The following KIAA0825 variants were observed in gnomAD, a reference collection of about 807,000 sequenced individuals.
The protein encoded by KIAA0825 is uncharacterized protein KIAA0825.
In KIAA0825, 119 loss-of-function variants were observed where a neutral mutation model predicts 147.6. The observed-to-expected ratio is 0.81, with a 90% confidence interval of 0.69 to 0.94. The LOEUF (loss-of-function observed/expected upper bound fraction) is 0.94, where lower values mean the gene tolerates loss of function less well. Among genes scored for constraint, KIAA0825 ranks in the 40% least tolerant of loss-of-function variants. The pLI is 0.00. For synonymous variants in KIAA0825, 470 were observed against 518.1 expected (o/e 0.91, Z 1.26); for missense variants, 1,381 against 1,472.7 (o/e 0.94, Z 1.02).
intron 3 of KIAA0825, 130 bp from the exon 4 acceptor site, chr5:94,524,228 T>C (rs1202161604): frequency 6.2e-6 from 3 of 484,630 alleles, no homozygotes; most frequent in African/African-American, 2.0e-5. Context: ...ATTCATATGA[T>C]ATGAAAATAA....
At chr5:94,481,476 G>T (rs1223149041) in intron 6 of KIAA0825, among the ~76,000 whole-genome samples, 2 of 151,984 alleles carry the variant, frequency 1.3e-5, no homozygotes, top group Middle Eastern at 3.2e-3. Context: ...TGGCTCACAA[G>T]CAACCTCCCA....
At chr5:94,191,638 CAATT>C (rs1456018251) in intron 20 of KIAA0825, among the ~76,000 whole-genome samples, 2 of 152,074 alleles carry the variant, frequency 1.3e-5, no homozygotes, top group Non-Finnish European at 2.9e-5. Flanking sequence ...ATAAAAGATC[CAATT>C]AATTGTAAGT....
At chr5:94,263,040 G>A (rs1158894607) in intron 20 of KIAA0825, among the ~76,000 whole-genome samples, 1 of 152,044 alleles carries the variant, frequency 6.6e-6, no homozygotes, top group Non-Finnish European at 1.5e-5. Context: ...TGAAGCTTGG[G>A]ACAGAAACAT....
intron 17 of KIAA0825, among the ~76,000 whole-genome samples, chr5:94,392,684 T>G (rs1750061724): frequency 6.6e-6 from 1 of 152,162 alleles, no homozygotes; most frequent in African/African-American, 2.4e-5. Context: ...TTACTGAGAT[T>G]TTGCCATGAT....
chr5:94,305,724 G>C (rs943459863), intron 20 of KIAA0825, among the ~76,000 whole-genome samples: 1 of 151,890 alleles, frequency 6.6e-6, no homozygotes, highest in Non-Finnish European at 1.5e-5. Flanking sequence ...CCAAGAAAGG[G>C]TTTTGACATG....
intron 20 of KIAA0825, among the ~76,000 whole-genome samples, chr5:94,277,990 T>C (rs1777295116): frequency 6.6e-6 from 1 of 152,108 alleles, no homozygotes; most frequent in African/African-American, 2.4e-5. Context: ...GAAACCATCA[T>C]CCTCAACAAA....
chr5:94,218,118 C>T (rs1186842104), intron 20 of KIAA0825, among the ~76,000 whole-genome samples: 2 of 152,104 alleles, frequency 1.3e-5, no homozygotes, highest in Non-Finnish European at 1.5e-5. Flanking sequence ...GTGGGCTTAC[C>T]ATGAAAGCCA....
At chr5:94,405,747 C>T (rs910719734) in intron 15 of KIAA0825, among the ~76,000 whole-genome samples, 1 of 152,028 alleles carries the variant, frequency 6.6e-6, no homozygotes, top group African/African-American at 2.4e-5. Context: ...ACGATGTATT[C>T]TCTAGTTAGC....
chr5:94,320,683 T>C (rs1216968597), intron 20 of KIAA0825, among the ~76,000 whole-genome samples: 1 of 152,028 alleles, frequency 6.6e-6, no homozygotes, highest in East Asian at 1.9e-4. Context: ...CCTAAAATGG[T>C]TGTGATCCAA....
intron 14 of KIAA0825, among the ~76,000 whole-genome samples, chr5:94,437,265 T>G (rs1393124856): frequency 6.6e-6 from 1 of 152,200 alleles, no homozygotes; most frequent in Non-Finnish European, 1.5e-5. Flanking sequence ...ATTAACAAGA[T>G]TCCATGAATA....
At chr5:94,324,195 G>T (rs1780465909) in intron 20 of KIAA0825, among the ~76,000 whole-genome samples, 1 of 152,010 alleles carries the variant, frequency 6.6e-6, no homozygotes, top group Non-Finnish European at 1.5e-5. Context: ...TGTCAAGGGT[G>T]TGAGCCAAAA....
chr5:94,601,786 A>G (rs1222479254), intron 1 of KIAA0825, among the ~76,000 whole-genome samples: 2 of 152,246 alleles, frequency 1.3e-5, no homozygotes, highest in Non-Finnish European at 2.9e-5. Flanking sequence ...AGGAGGAAAG[A>G]ATCTCAGAAC....
intron 20 of KIAA0825, among the ~76,000 whole-genome samples, chr5:94,229,642 T>C (rs559612575): frequency 1.3e-5 from 2 of 152,148 alleles, no homozygotes; most frequent in South Asian, 2.1e-4. Flanking sequence ...TCCTGTATTT[T>C]CTACATTTTT....
chr5:94,165,262 A>C (rs1767927227), intron 20 of KIAA0825, among the ~76,000 whole-genome samples: 1 of 152,246 alleles, frequency 6.6e-6, no homozygotes, highest in South Asian at 2.1e-4. Flanking sequence ...AAAGGTGCTC[A>C]GCATCATTGA....
At chr5:94,299,564 G>T (rs561344250) in intron 20 of KIAA0825, among the ~76,000 whole-genome samples, 2 of 152,106 alleles carry the variant, frequency 1.3e-5, no homozygotes, top group Non-Finnish European at 2.9e-5. Context: ...CTTGTTTCAG[G>T]TTAACATATA....
At chr5:94,424,679 C>T (rs1190942716) in intron 14 of KIAA0825, among the ~76,000 whole-genome samples, 3 of 151,572 alleles carry the variant, frequency 2.0e-5, no homozygotes, top group South Asian at 2.1e-4. Context: ...CAGAGGAGAA[C>T]AAAATGAAAA....
chr5:94,451,128 T>A (rs1036859693), intron 13 of KIAA0825, among the ~76,000 whole-genome samples: 17 of 152,220 alleles, frequency 1.1e-4, no homozygotes, highest in Non-Finnish European at 1.8e-4. Flanking sequence ...CTCTAAAAAC[T>A]GAGTTGGCTT....
intron 20 of KIAA0825, among the ~76,000 whole-genome samples, chr5:94,224,991 A>G (rs1006940679): frequency 3.9e-5 from 6 of 152,092 alleles, no homozygotes; most frequent in African/African-American, 1.2e-4. Context: ...TTCTATTCTG[A>G]TTGTCATAAG....
chr5:94,377,155 T>C (rs1747697801), intron 20 of KIAA0825, among the ~76,000 whole-genome samples: 1 of 152,220 alleles, frequency 6.6e-6, no homozygotes, highest in Admixed American at 6.5e-5. Context: ...CTGTTTCCTC[T>C]CAGATGTATG....
Sources: gnomAD v4.1 joint callset for allele counts (sites outside exome capture counted in the v4.1 genomes callset) on GRCh38, gnomAD v4.1.1 for gene constraint, MANE v1.5 for transcripts, NCBI Gene and HGNC (gene_info 2026-07-23, HGNC 2026-07-21) for gene names.